Variants in INSL6 observed in about 807,000 individuals in gnomAD.
INSL6 encodes the protein insulin-like peptide INSL6.
Under a neutral mutation model 9.4 loss-of-function variants are expected in INSL6, and 16 were observed. The observed-to-expected ratio is 1.70, with a 90% CI of 1.15 to 2.59. The LOEUF (loss-of-function observed/expected upper bound fraction) is 2.59. Ranked by LOEUF, INSL6 falls within the 30% of genes most tolerant of loss-of-function variation. The probability of loss-of-function intolerance (pLI) is 0.00; values close to 1 mark genes in which losing one functional copy is unlikely to be tolerated. For synonymous variants in INSL6, 154 were observed against 96.9 expected, an observed-to-expected ratio of 1.59 and a Z score of -3.46; for missense variants, 391 against 257.3, an observed-to-expected ratio of 1.52 and a Z score of -3.56.
At chr9:5,057,675 T>C in the INSL6 span, among the ~76,000 whole-genome samples, 1 of 150,156 alleles carries the variant, frequency 6.7e-6, no homozygotes, top group East Asian at 2.0e-4. Flanking sequence ...CTGTGCCTCC[T>C]GGGTTCAAGC....
intron 3 of INSL6, chr9:5,127,026 TA>T (rs1824044467): frequency 3.3e-6 from 1 of 303,556 alleles, no homozygotes; most frequent in Non-Finnish European, 6.1e-6. Flanking sequence ...AGAAGTTTCT[TA>T]AACATTGTCA....
At chr9:5,150,072 C>G (rs111806952) in intron 2 of INSL6, among the ~76,000 whole-genome samples, 3 of 152,188 alleles carry the variant, frequency 2.0e-5, no homozygotes, top group African/African-American at 7.2e-5. Flanking sequence ...GGACTCATCT[C>G]TCTCACCAAA....
At chr9:5,085,250 A>C in the INSL6 span, 2 of 677,304 alleles carry the variant, frequency 3.0e-6, no homozygotes, top group Non-Finnish European at 5.7e-6. Flanking sequence ...CCAGTGGCTA[A>C]CCTGAGATTC....
chr9:5,045,462 G>T, the INSL6 span, among the ~76,000 whole-genome samples: 1 of 152,250 alleles, frequency 6.6e-6, no homozygotes, highest in East Asian at 1.9e-4. Flanking sequence ...GTACAGTTCA[G>T]TTGTATTAAG....
At chr9:5,050,183 G>A in the INSL6 span, among the ~76,000 whole-genome samples, 2 of 152,208 alleles carry the variant, frequency 1.3e-5, no homozygotes, top group African/African-American at 2.4e-5. Flanking sequence ...GATGTTATAT[G>A]TACTCTGTAA....
chr9:5,142,587 T>C (rs556382818), intron 2 of INSL6, among the ~76,000 whole-genome samples: 2 of 152,346 alleles, frequency 1.3e-5, no homozygotes, highest in East Asian at 1.9e-4. Flanking sequence ...GTTTATCAGC[T>C]TAAGAAGCTT....
At chr9:5,135,591 T>C (rs1267717191) in intron 2 of INSL6, among the ~76,000 whole-genome samples, 2 of 151,996 alleles carry the variant, frequency 1.3e-5, no homozygotes, top group East Asian at 1.9e-4. Context: ...AAAGAAACAA[T>C]GTACCAGAAT....
the INSL6 span, chr9:5,021,861 G>A: frequency 9.4e-6 from 6 of 635,780 alleles, no homozygotes; most frequent in Non-Finnish European, 1.6e-5. Context: ...TCCAACTTCT[G>A]GGCTCAAGCT....
At chr9:5,148,429 C>A (rs1219363114) in intron 2 of INSL6, among the ~76,000 whole-genome samples, 4 of 152,094 alleles carry the variant, frequency 2.6e-5, no homozygotes, top group African/African-American at 4.8e-5. Flanking sequence ...CCCCCCTCAC[C>A]CGGTCGGCTC....
At chr9:5,007,539 A>T in the INSL6 span, among the ~76,000 whole-genome samples, 56 of 152,166 alleles carry the variant, frequency 3.7e-4, no homozygotes, top group African/African-American at 1.3e-3. Context: ...AGGTATTAAG[A>T]ATAGCATAAA....
chr9:5,037,741 A>G, the INSL6 span, among the ~76,000 whole-genome samples: 1 of 152,104 alleles, frequency 6.6e-6, no homozygotes, highest in African/African-American at 2.4e-5. Flanking sequence ...AGCATTAGGA[A>G]ATATACCTAA....
the INSL6 span, among the ~76,000 whole-genome samples, chr9:5,060,487 C>T: frequency 6.6e-6 from 1 of 152,222 alleles, no homozygotes; most frequent in South Asian, 2.1e-4. Context: ...ACAACATTCA[C>T]AGCATCTTCA....
At chr9:5,025,565 G>A in the INSL6 span, among the ~76,000 whole-genome samples, 2 of 131,660 alleles carry the variant, frequency 1.5e-5, no homozygotes, top group Non-Finnish European at 3.1e-5. Flanking sequence ...ACTGAGTCTT[G>A]CTCTGTTGCC....
chr9:5,004,405 C>G, the INSL6 span, among the ~76,000 whole-genome samples: 10 of 152,094 alleles, frequency 6.6e-5, no homozygotes, highest in Non-Finnish European at 1.2e-4. Flanking sequence ...CTGTGCCTAG[C>G]TTTATTTCAC....
the INSL6 span, chr9:5,050,868 A>C: frequency 6.5e-7 from 1 of 1,539,568 alleles, no homozygotes. Context: ...CATAAGTGTG[A>C]GTAGAGATTT....
At chr9:5,122,119 G>A (rs1029767046), downstream of INSL6, among the ~76,000 whole-genome samples, 3 of 152,152 alleles carry the variant, frequency 2.0e-5, no homozygotes, top group African/African-American at 7.2e-5. Flanking sequence ...GGAAGGATTT[G>A]TGGAGATTAG....
At chr9:5,029,640 G>T in the INSL6 span, 26 of 611,324 alleles carry the variant, frequency 4.3e-5, no homozygotes, top group South Asian at 2.1e-4. Context: ...TGTAGGGGTT[G>T]GTATATCAAA....
the INSL6 span, among the ~76,000 whole-genome samples, chr9:5,092,842 C>T: frequency 6.6e-6 from 1 of 152,290 alleles, no homozygotes; most frequent in South Asian, 2.1e-4. Flanking sequence ...CAGCTTTAAA[C>T]TTACCCACAG....
the INSL6 span, among the ~76,000 whole-genome samples, chr9:5,023,157 C>T: frequency 3.0e-3 from 457 of 152,286 alleles, 1 homozygote; most frequent in African/African-American, 0.011. Flanking sequence ...CTTCATTTCC[C>T]TCTTCCCACC....
Sources: allele counts gnomAD v4.1 joint callset (sites outside exome capture counted in the v4.1 genomes callset), GRCh38; gene constraint gnomAD v4.1.1; transcripts MANE v1.5; gene names NCBI Gene and HGNC (gene_info 2026-07-23, HGNC 2026-07-21).